OVCH1: variants seen among roughly 807,000 people sequenced by gnomAD.
OVCH1 encodes ovochymase 1.
OVCH1 carries 139 observed loss-of-function variants against 138.4 expected under a neutral mutation model. The ratio of observed to expected loss-of-function variants is 1.00; its 90% CI spans 0.87 to 1.16. OVCH1 has a LOEUF of 1.16. OVCH1 is among the 50% of genes most tolerant of loss of function. OVCH1 has a pLI of 0.00. For synonymous variants in OVCH1, 453 were observed against 467.8 expected (o/e 0.97, Z 0.41); for missense variants, 1,367 against 1,357.9 (o/e 1.01, Z -0.11).
chr12:29,464,399 T>C, intron 18 of OVCH1, 108 bp downstream of exon 18: 2 of 1,215,610 alleles, frequency 1.6e-6, no homozygotes, highest in Non-Finnish European at 2.4e-6. Context: ...GGTTTCTATC[T>C]TTTAGAAAGA....
At chr12:29,427,715 G>GGGGT in intron 27 of OVCH1, 3 of 1,522,350 alleles carry the variant, frequency 2.0e-6, no homozygotes, top group Non-Finnish European at 2.6e-6. Context: ...CAGCTTGAAT[G>GGGGT]GGGTGATAGC....
chr12:29,439,255 T>C, intron 26 of OVCH1: 1 of 1,287,800 alleles, frequency 7.8e-7, no homozygotes. Context: ...TTTTGTCACT[T>C]CTCTTATTTA....
At chr12:29,477,049 T>C in intron 12 of OVCH1, 53 bp downstream of exon 12, 1 of 1,479,872 alleles carries the variant, frequency 6.8e-7, no homozygotes, top group Non-Finnish European at 9.0e-7. Context: ...AAGTTCTGCC[T>C]AACTAACGTA....
intron 27 of OVCH1, among the ~76,000 whole-genome samples, chr12:29,431,919 T>G (rs774018360): frequency 6.6e-6 from 1 of 152,258 alleles, no homozygotes; most frequent in Non-Finnish European, 1.5e-5. Flanking sequence ...ACACGTTTGT[T>G]AACCCATTCA....
exon 22 of OVCH1, chr12:29,451,563 C>A: frequency 6.2e-7 from 1 of 1,607,866 alleles, no homozygotes; most frequent in Non-Finnish European, 8.5e-7. Context: ...TGCTTCAGAG[C>A]AACAACCTGC....
At chr12:29,451,863 T>C (rs1941806045) in intron 21 of OVCH1, among the ~76,000 whole-genome samples, 1 of 152,218 alleles carries the variant, frequency 6.6e-6, no homozygotes, top group Non-Finnish European at 1.5e-5. Context: ...CAGCAGATTT[T>C]CATTTTCTTC....
At chr12:29,406,344 T>A in the OVCH1 span, among the ~76,000 whole-genome samples, 1 of 152,144 alleles carries the variant, frequency 6.6e-6, no homozygotes, top group African/African-American at 2.4e-5. Flanking sequence ...AGTTTTAGGG[T>A]ACATGTGCAC....
downstream of OVCH1, among the ~76,000 whole-genome samples, chr12:29,409,255 C>T (rs1940922042): frequency 6.6e-6 from 1 of 152,116 alleles, no homozygotes; most frequent in East Asian, 1.9e-4. Context: ...TTTCAAAAAA[C>T]CAGCTCCTGG....
chr12:29,459,242 T>C (rs1942051134), intron 19 of OVCH1, among the ~76,000 whole-genome samples: 1 of 152,144 alleles, frequency 6.6e-6, no homozygotes. Context: ...TAAGTATCCA[T>C]CAACAGATGA....
At chr12:29,409,881 T>C (rs1236042391), downstream of OVCH1, among the ~76,000 whole-genome samples, 4 of 152,274 alleles carry the variant, frequency 2.6e-5, no homozygotes, top group Middle Eastern at 3.4e-3. Context: ...TTCTGTCTCA[T>C]CGATCTGTCT....
intron 3 of OVCH1, among the ~76,000 whole-genome samples, chr12:29,419,806 C>G (rs1941078916): frequency 6.6e-6 from 1 of 152,146 alleles, no homozygotes; most frequent in Admixed American, 6.5e-5. Flanking sequence ...TCTGATGTAA[C>G]TCATCAAATC....
the OVCH1 span, among the ~76,000 whole-genome samples, chr12:29,406,432 G>A: frequency 1.3e-5 from 2 of 152,054 alleles, no homozygotes; most frequent in Non-Finnish European, 2.9e-5. Context: ...CTAGCATTAG[G>A]TATATCTCCC....
Position 29,462,820 on chromosome 12 carries a change from C to T in OVCH1, c.2126-812G>A, listed in dbSNP as rs560495464. ...TGAAAATTTGATCTCACAGCTCTTA[C>T]GGGACAGAACTAGGATCAAGCCTAA... On this transcript the variant is annotated intron_variant, in intron 18 of 27. Coordinates refer to ENST00000318184, the Ensembl canonical transcript of OVCH1. Among the ~76,000 whole-genome samples, 43 of 152,218 alleles carry T rather than the reference C, an allele frequency of 2.8e-4. No individual in the cohort carries two copies. In the East Asian group the frequency reaches 6.0e-3, roughly 21 times the overall value.
Position 29,445,420 on chromosome 12 carries a change from A to G in OVCH1, c.2756-17T>C. ...GTAATCCACCTAGGTTAAAAAGTGA[A>G]CTCTAGTAAAAAATAAGAATGAAAA... On this transcript the variant is annotated splice_polypyrimidine_tract_variant and intron_variant, in intron 22 of 27. Transcript: ENST00000318184. 1 of 1,587,880 alleles carries G rather than the reference A, an allele frequency of 6.3e-7. No homozygotes were observed. Among genetic ancestry groups the G allele is most frequent in the Non-Finnish European group, 8.6e-7 (1 of 1,168,550 alleles).
At chr12:29,449,311 A>T (rs1311347280) in intron 22 of OVCH1, among the ~76,000 whole-genome samples, 1 of 148,680 alleles carries the variant, frequency 6.7e-6, no homozygotes, top group African/African-American at 2.5e-5. Flanking sequence ...ACACACACAC[A>T]CACACACACT....
chr12:29,464,776 C>T (rs1942259996), intron 17 of OVCH1, 74 bp from the exon 18 acceptor site: 2 of 1,281,890 alleles, frequency 1.6e-6, no homozygotes, highest in Non-Finnish European at 2.2e-6. Flanking sequence ...GTTGATGGTC[C>T]AAAATAATCC....
chr12:29,478,864 G>T, exon 9 of OVCH1: 1 of 1,593,710 alleles, frequency 6.3e-7, no homozygotes, highest in Non-Finnish European at 8.5e-7. Context: ...TGATCGTAAA[G>T]ATACATAGTC....
chr12:29,441,752 A>G (rs1390803839), intron 25 of OVCH1, among the ~76,000 whole-genome samples: 2 of 152,204 alleles, frequency 1.3e-5, no homozygotes, highest in Admixed American at 1.3e-4. Flanking sequence ...CAGAATATAC[A>G]ATGAACTCAA....
At chr12:29,441,494 T>C (rs1941483902) in intron 25 of OVCH1, among the ~76,000 whole-genome samples, 1 of 152,176 alleles carries the variant, frequency 6.6e-6, no homozygotes, top group South Asian at 2.1e-4. Flanking sequence ...GACTTACATG[T>C]TAGACCTAAA....
Sources: allele counts gnomAD v4.1 joint callset (sites outside exome capture counted in the v4.1 genomes callset), GRCh38; gene constraint gnomAD v4.1.1; transcripts MANE v1.5; gene names NCBI Gene and HGNC (gene_info 2026-07-23, HGNC 2026-07-21).